Variants in PPP1R42 observed in about 807,000 individuals in gnomAD.
PPP1R42 encodes the protein protein phosphatase 1 regulatory subunit 42.
In PPP1R42, 34 loss-of-function variants were observed where a neutral mutation model predicts 31.0. The ratio of observed to expected loss-of-function variants is 1.10; its 90% CI spans 0.83 to 1.46. The LOEUF is 1.46. PPP1R42 is among the 40% of genes most tolerant of loss of function. The pLI, the probability that PPP1R42 is intolerant of heterozygous loss-of-function variation, is 0.00. For missense variants in PPP1R42, 268 were observed against 303.0 expected (o/e 0.88, Z 0.86); for synonymous variants, 103 against 109.8 (o/e 0.94, Z 0.39).
rs181731230 is a variant in PPP1R42, at chr8:66,985,191, C to T, written c.671-3011G>A. On this transcript the variant is annotated intron_variant, in intron 6 of 7. Coordinates refer to ENST00000685739, the MANE Select transcript of PPP1R42 (RefSeq NM_001364910.1). ...CTGCCTGAAGCTTCTCCAGTTGAGC[C>T]TTTGTCCTTAATCGCTGAGCAGTCT... 32 of 1,128,746 alleles carry T rather than the reference C, an allele frequency of 2.8e-5. No individual in the cohort carries two copies. The Admixed American group carries it at 5.4e-4, about 19-fold the overall frequency. The allele number at this position is 1,128,746 out of a possible 1,614,324, so 69.9% of individuals were successfully genotyped here. A position where few individuals can be genotyped will look rare whatever the true frequency, so the allele number is the denominator to read the frequency against.
intron 1 of PPP1R42, among the ~76,000 whole-genome samples, chr8:67,026,656 C>G (rs746157918): frequency 2.0e-5 from 3 of 151,728 alleles, no homozygotes. Context: ...AGCAACATGG[C>G]GAGACCCCTG....
At chr8:66,978,547 A>G (rs1260754147) in intron 7 of PPP1R42, among the ~76,000 whole-genome samples, 1 of 152,120 alleles carries the variant, frequency 6.6e-6, no homozygotes, top group Non-Finnish European at 1.5e-5. Flanking sequence ...CAGCCTTCCA[A>G]GTAGCTGGAA....
At chr8:67,025,657 A>G (rs1816371515) in intron 1 of PPP1R42, among the ~76,000 whole-genome samples, 1 of 152,042 alleles carries the variant, frequency 6.6e-6, no homozygotes, top group East Asian at 1.9e-4. Flanking sequence ...GGGAGCCTTC[A>G]TAAGAAATGG....
intron 6 of PPP1R42, among the ~76,000 whole-genome samples, chr8:66,986,412 C>T (rs932329638): frequency 6.6e-6 from 1 of 152,150 alleles, no homozygotes; most frequent in African/African-American, 2.4e-5. Context: ...AAACTTCAGC[C>T]CCGAGACGGA....
intron 6 of PPP1R42, chr8:66,985,710 A>G (rs1814988034): frequency 2.3e-6 from 3 of 1,332,826 alleles, no homozygotes; most frequent in Admixed American, 1.7e-5. Flanking sequence ...GGGAGGAAGA[A>G]GGAGTCTTTG....
intron 1 of PPP1R42, among the ~76,000 whole-genome samples, chr8:67,021,948 C>CT (rs1816232703): frequency 6.6e-6 from 1 of 151,510 alleles, no homozygotes; most frequent in African/African-American, 2.4e-5. Flanking sequence ...AATGATTGAT[C>CT]TTTGAGTATT....
intron 5 of PPP1R42, among the ~76,000 whole-genome samples, chr8:67,004,256 G>GATACCTTGGAAGATATCTTGGA (rs1815604051): frequency 2.0e-5 from 3 of 152,258 alleles, no homozygotes; most frequent in Non-Finnish European, 4.4e-5. Flanking sequence ...CTTGGAAGCA[G>GATACCTTGGAAGATATCTTGGA]AGAGCAGCCC....
At chr8:67,027,790 T>G (rs1273387395) in intron 1 of PPP1R42, among the ~76,000 whole-genome samples, 1 of 152,224 alleles carries the variant, frequency 6.6e-6, no homozygotes, top group East Asian at 1.9e-4. Context: ...TTTGAGAAAC[T>G]GCTTTTGCCT....
At chr8:66,982,243 G>A in intron 6 of PPP1R42, 63 bp from the exon 7 acceptor site, 1 of 801,826 alleles carries the variant, frequency 1.2e-6, no homozygotes, top group Non-Finnish European at 1.7e-6. Flanking sequence ...GTCAAAATAT[G>A]CACTTCTGGT....
chr8:66,980,781 C>T (rs1483180562), intron 7 of PPP1R42, among the ~76,000 whole-genome samples: 1 of 152,084 alleles, frequency 6.6e-6, no homozygotes, highest in Non-Finnish European at 1.5e-5. Context: ...CATTCAAACA[C>T]TATCATGGAA....
intron 6 of PPP1R42, among the ~76,000 whole-genome samples, 177 bp from the exon 7 acceptor site, chr8:66,982,357 AT>A (rs902895440): frequency 6.6e-6 from 1 of 152,188 alleles, no homozygotes; most frequent in Non-Finnish European, 1.5e-5. Context: ...TTATTTATAG[AT>A]TTTTTTCTGA....
intron 1 of PPP1R42, among the ~76,000 whole-genome samples, chr8:67,023,564 C>T (rs1444007742): frequency 1.3e-5 from 2 of 152,140 alleles, no homozygotes; most frequent in Non-Finnish European, 2.9e-5. Flanking sequence ...GGTAAGGACA[C>T]ATTAATTTTA....
At chr8:66,964,440 C>G in intron 7 of PPP1R42, 106 bp from the exon 8 acceptor site, 2 of 424,868 alleles carry the variant, frequency 4.7e-6, no homozygotes, top group South Asian at 5.0e-5. Context: ...ATATTAAAGG[C>G]TAATGATTAA....
rs748873585 is a variant in PPP1R42 at position 66,988,515 on chromosome 8, A to T, written c.555T>A (p.Asp185Glu). 3 of 1,599,800 alleles carry T rather than the reference A, an allele frequency of 1.9e-6. No homozygotes were observed. Among genetic ancestry groups the T allele is most frequent in the Non-Finnish European group, 2.6e-6 (3 of 1,175,732 alleles). Residue 185 changes from aspartate to glutamate, a missense_variant and splice_region_variant, in exon 6 of 8, where the codon GAT becomes GAA. Physicochemically the swap from Asp to Glu is conservative, Grantham distance 45. Coordinates refer to ENST00000685739, the MANE Select transcript of PPP1R42 (RefSeq NM_001364910.1). The stretch of plus-strand genomic sequence containing the variant: ...TCAACTTGTTCAGTAAAAACTCCAA[A>T]TCCTATAATTAGAGAAGAAAAAGCA... Reference protein sequence around the residue: ...AVDNQLLHVKDLEFLLNKLMK... With the variant: ...AVDNQLLHVKELEFLLNKLMK...
At chr8:66,980,750 G>A (rs1467453507) in intron 7 of PPP1R42, among the ~76,000 whole-genome samples, 3 of 152,058 alleles carry the variant, frequency 2.0e-5, no homozygotes, top group African/African-American at 4.8e-5. Context: ...CCCTTAGTCA[G>A]TTGTAGAACA....
At chr8:66,976,576 G>A (rs1021600569) in intron 7 of PPP1R42, among the ~76,000 whole-genome samples, 8 of 145,846 alleles carry the variant, frequency 5.5e-5, no homozygotes, top group Non-Finnish European at 1.0e-4. Flanking sequence ...TAGTATCCTC[G>A]TTCTACTTTT....
Position 66,985,930 on chromosome 8 carries a change from A to C in PPP1R42, c.670+2470T>G. ...CTCCTGATGATTCCTTGGAGAGCTC[A>C]AGAGTCATCACCAAACACCTTCTTT... is the stretch of plus-strand genomic sequence containing the variant. On this transcript the variant is annotated intron_variant, in intron 6 of 7. Coordinates refer to ENST00000685739, the MANE Select transcript of PPP1R42 (RefSeq NM_001364910.1). The C allele has an allele frequency of 3.7e-6, 3 of 817,206 alleles. No individual in the cohort carries two copies. The East Asian group carries it at 7.3e-5, about 20-fold the overall frequency. 50.6% of individuals were successfully genotyped at this position (817,206 alleles called of 1,614,324 possible).
chr8:66,974,552 C>G (rs1283873298), intron 7 of PPP1R42, among the ~76,000 whole-genome samples: 1 of 151,734 alleles, frequency 6.6e-6, no homozygotes, highest in East Asian at 1.9e-4. Context: ...AAAACTCTGT[C>G]TCGGAAAAAA....
chr8:67,024,342 C>T lies in PPP1R42; in HGVS notation c.-85+4149G>A, dbSNP rs565833624. Among the ~76,000 whole-genome samples, 154 of 151,928 alleles carry T rather than the reference C, an allele frequency of 1.0e-3. 1 individual carries two copies. The highest frequency in any genetic ancestry group is 1.7e-3 in the Non-Finnish European group (116 of 67,940). On this transcript the variant is annotated intron_variant, in intron 1 of 7. Coordinates refer to ENST00000685739, the MANE Select transcript of PPP1R42 (RefSeq NM_001364910.1). ...TGTATGTGTGTGTGTATGACAGGGT[C>T]TCACTCTGTCATTCAGGCTGGAGTA...
Sources: gnomAD v4.1 joint callset for allele counts (sites outside exome capture counted in the v4.1 genomes callset) on GRCh38, gnomAD v4.1.1 for gene constraint, MANE v1.5 for transcripts, NCBI Gene and HGNC (gene_info 2026-07-23, HGNC 2026-07-21) for gene names.